The following HK1 variants were observed in gnomAD, a reference collection of about 807,000 sequenced individuals.
The protein encoded by HK1 is hexokinase 1, also known as hexokinase-1.
A neutral mutation model predicts 91.6 loss-of-function variants in HK1; 28 were observed. That is an observed-to-expected ratio of 0.31 (90% CI 0.23 to 0.42). The LOEUF is 0.42. Among genes scored for constraint, HK1 ranks in the 10% least tolerant of loss-of-function variants. The probability of loss-of-function intolerance (pLI) is 1.00; values close to 1 mark genes in which losing one functional copy is unlikely to be tolerated. For missense variants in HK1, 770 were observed against 1,219.8 expected (o/e 0.63, Z 5.49); for synonymous variants, 430 against 468.1 (o/e 0.92, Z 1.05).
chr10:69,338,564 C>T (rs1403049279), intron 1 of HK1: 1 of 1,289,704 alleles, frequency 7.8e-7, no homozygotes, highest in Non-Finnish European at 1.0e-6. Context: ...TCCTCCCCAA[C>T]TCCCAAATGG....
intron 2 of HK1, among the ~76,000 whole-genome samples, chr10:69,351,277 G>A (rs1022909005): frequency 1.3e-5 from 2 of 152,076 alleles, no homozygotes; most frequent in Non-Finnish European, 2.9e-5. Flanking sequence ...GGAGGCCAGG[G>A]CAGTCGGATC....
chr10:69,330,177 A>G (rs1032190536), intron 1 of HK1, among the ~76,000 whole-genome samples: 2 of 151,992 alleles, frequency 1.3e-5, no homozygotes, highest in Non-Finnish European at 2.9e-5. Context: ...CCCAGACCTC[A>G]TGTCCCTGAT....
In HK1 at chr10:69,382,378, A is replaced by T. The variant is rs1006015235; in HGVS notation, c.1266-109A>T. 120 of 1,239,198 alleles carry T rather than the reference A, an allele frequency of 9.7e-5. No individual in the cohort carries two copies. In the African/African-American group the frequency reaches 1.7e-3, roughly 17 times the overall value. 76.8% of individuals were successfully genotyped at this position (1,239,198 alleles called of 1,614,324 possible). ...TGACAGAGCAAGACCCTGTCTCAAAAAAAAGGAAAAGAAAAAAGAGTTAAA... is the reference window on the plus strand; with the variant it reads ...TGACAGAGCAAGACCCTGTCTCAAATAAAAGGAAAAGAAAAAAGAGTTAAA... On this transcript the variant is annotated intron_variant, in intron 9 of 17. Transcript: ENST00000359426.
chr10:69,303,822 A>C (rs887956004), intron 5 of HK1, among the ~76,000 whole-genome samples: 1 of 152,206 alleles, frequency 6.6e-6, no homozygotes, highest in African/African-American at 2.4e-5. Flanking sequence ...GGGTTTTACT[A>C]TTACTCAAAT....
intron 15 of HK1, 82 bp downstream of exon 15, chr10:69,392,390 A>AT: frequency 1.4e-6 from 2 of 1,437,716 alleles, no homozygotes; most frequent in Non-Finnish European, 2.0e-6. Context: ...CAGTGGAAGA[A>AT]GTTTCTAGGA....
At chr10:69,276,368 T>C (rs1246593342) in intron 1 of HK1, among the ~76,000 whole-genome samples, 2 of 151,934 alleles carry the variant, frequency 1.3e-5, no homozygotes, top group Non-Finnish European at 2.9e-5. Flanking sequence ...TATTAGAATA[T>C]TAACATCTGG....
At chr10:69,387,674 A>G (rs1320449253) in intron 13 of HK1, among the ~76,000 whole-genome samples, 1 of 152,036 alleles carries the variant, frequency 6.6e-6, no homozygotes, top group Non-Finnish European at 1.5e-5. Context: ...ATGGGCCACC[A>G]CACCAAGCCA....
chr10:69,388,120 C>G (rs1044986838), intron 13 of HK1, among the ~76,000 whole-genome samples: 5 of 152,038 alleles, frequency 3.3e-5, no homozygotes, highest in Non-Finnish European at 7.4e-5. Flanking sequence ...TGCTACACAA[C>G]TTACAATATT....
At chr10:69,346,392 T>C (rs1176975839) in intron 2 of HK1, among the ~76,000 whole-genome samples, 1 of 152,236 alleles carries the variant, frequency 6.6e-6, no homozygotes, top group Non-Finnish European at 1.5e-5. Flanking sequence ...CCTGGTCGAC[T>C]AGACACAGAG....
At chr10:69,391,823 T>C (rs1839909259) in intron 14 of HK1, among the ~76,000 whole-genome samples, 1 of 152,218 alleles carries the variant, frequency 6.6e-6, no homozygotes, top group South Asian at 2.1e-4. Context: ...CCATTGATGC[T>C]CCATCTCTTT....
In HK1 at chr10:69,401,671, C is replaced by A; in HGVS notation, c.*536C>A. 1 of 321,568 alleles carries A rather than the reference C, an allele frequency of 3.1e-6. No homozygotes were observed. 19.9% of individuals were successfully genotyped at this position (321,568 alleles called of 1,614,324 possible). A position where few individuals can be genotyped will look rare whatever the true frequency, so the allele number is the denominator to read the frequency against. On this transcript the variant is annotated 3_prime_UTR_variant, in exon 18 of 18. Transcript: ENST00000359426. ...GCATCGCATCGTGGTGTGTCAATGC[C>A]ACAAAATCGTGTGTCCGTGGAACCA...
At chr10:69,342,219 G>A (rs1033495663) in intron 1 of HK1, among the ~76,000 whole-genome samples, 1 of 151,186 alleles carries the variant, frequency 6.6e-6, no homozygotes, top group Non-Finnish European at 1.5e-5. Flanking sequence ...CAGTGTTAAG[G>A]TCTTTTCAGC....
At chr10:69,331,178 C>T (rs1196342389) in intron 1 of HK1, among the ~76,000 whole-genome samples, 1 of 152,202 alleles carries the variant, frequency 6.6e-6, no homozygotes, top group African/African-American at 2.4e-5. Context: ...CCACGCCGGG[C>T]CAGAGTTACC....
At chr10:69,363,485 C>G (rs1281909606) in intron 3 of HK1, among the ~76,000 whole-genome samples, 1 of 152,126 alleles carries the variant, frequency 6.6e-6, no homozygotes, top group East Asian at 1.9e-4. Context: ...CTCAGGGGAT[C>G]ATCTCATCTC....
At chr10:69,361,603 A>T (rs541352141) in intron 3 of HK1, among the ~76,000 whole-genome samples, 2 of 152,136 alleles carry the variant, frequency 1.3e-5, no homozygotes, top group Non-Finnish European at 2.9e-5. Context: ...TTGACCTTTT[A>T]GGAGCAAGGT....
At chr10:69,371,635 G>A (rs542462317) in intron 7 of HK1, among the ~76,000 whole-genome samples, 1 of 152,318 alleles carries the variant, frequency 6.6e-6, no homozygotes, top group African/African-American at 2.4e-5. Context: ...GTGGTAACTC[G>A]ACAGGTAATG....
At chr10:69,335,867 T>C (rs7899625) in intron 1 of HK1, among the ~76,000 whole-genome samples, 1,623 of 152,300 alleles carry the variant, frequency 0.011, 29 homozygotes, top group African/African-American at 0.037. Flanking sequence ...GGAGGGGTCC[T>C]GAGGAAGTCT....
chr10:69,317,752 T>C (rs991858022), upstream of HK1, among the ~76,000 whole-genome samples: 1 of 152,242 alleles, frequency 6.6e-6, no homozygotes, highest in Non-Finnish European at 1.5e-5. Flanking sequence ...GAGGCCTCAC[T>C]GAGCTTCAAT....
chr10:69,286,315 T>C (rs1845030066), intron 2 of HK1, among the ~76,000 whole-genome samples: 1 of 152,018 alleles, frequency 6.6e-6, no homozygotes, highest in Non-Finnish European at 1.5e-5. Flanking sequence ...CTGGGCAACA[T>C]AGTGAGATCC....
Sources: gnomAD v4.1 joint callset for allele counts (sites outside exome capture counted in the v4.1 genomes callset) on GRCh38, gnomAD v4.1.1 for gene constraint, MANE v1.5 for transcripts, NCBI Gene and HGNC (gene_info 2026-07-23, HGNC 2026-07-21) for gene names.